SGMS1: variants seen among roughly 807,000 people sequenced by gnomAD.
SGMS1 encodes sphingomyelin synthase 1, also known as phosphatidylcholine:ceramide cholinephosphotransferase 1.
SGMS1 carries 13 observed loss-of-function variants against 46.2 expected under a neutral mutation model. The ratio of observed to expected loss-of-function variants is 0.28; its 90% confidence interval spans 0.18 to 0.45. SGMS1 has a LOEUF of 0.45. SGMS1 is among the 20% of genes least tolerant of loss of function. SGMS1 has a pLI of 1.00. For synonymous variants in SGMS1, 203 were observed against 187.8 expected (o/e 1.08, Z -0.66); for missense variants, 324 against 519.9 (o/e 0.62, Z 3.66).
chr10:50,352,111 C>T (rs1848029028), intron 6 of SGMS1, among the ~76,000 whole-genome samples: 1 of 152,168 alleles, frequency 6.6e-6, no homozygotes, highest in Non-Finnish European at 1.5e-5. Flanking sequence ...TAAAGGTATA[C>T]ATGCTGTTTT....
At chr10:50,436,197 C>T (rs1389314725) in intron 5 of SGMS1, among the ~76,000 whole-genome samples, 4 of 152,102 alleles carry the variant, frequency 2.6e-5, no homozygotes, top group Admixed American at 6.5e-5. Flanking sequence ...CTCCGCCTCC[C>T]GGGTTCACAC....
At chr10:50,391,385 A>C (rs1282854186) in intron 6 of SGMS1, among the ~76,000 whole-genome samples, 2 of 152,188 alleles carry the variant, frequency 1.3e-5, no homozygotes, top group African/African-American at 4.8e-5. Context: ...TTTTTAAAAG[A>C]AGACACACAT....
chr10:50,582,282 C>G (rs1035364341), intron 2 of SGMS1, among the ~76,000 whole-genome samples: 3 of 152,176 alleles, frequency 2.0e-5, no homozygotes, highest in Non-Finnish European at 4.4e-5. Context: ...CCCTAGATGT[C>G]TGGGCCATAC....
At chr10:50,575,168 A>T (rs1436853194) in intron 2 of SGMS1, among the ~76,000 whole-genome samples, 1 of 151,966 alleles carries the variant, frequency 6.6e-6, no homozygotes, top group Admixed American at 6.6e-5. Context: ...TACATACAAA[A>T]CAAAATGAGT....
chr10:50,534,739 G>C (rs1198036103), intron 2 of SGMS1, among the ~76,000 whole-genome samples: 1 of 152,146 alleles, frequency 6.6e-6, no homozygotes, highest in African/African-American at 2.4e-5. Context: ...GAGGACAGCA[G>C]GATGCAAAAA....
At chr10:50,355,840 C>T (rs1166201459) in intron 6 of SGMS1, among the ~76,000 whole-genome samples, 1 of 151,654 alleles carries the variant, frequency 6.6e-6, no homozygotes, top group Non-Finnish European at 1.5e-5. Context: ...GCGCCTCTGC[C>T]CCGCCGCCCT....
intron 1 of SGMS1, among the ~76,000 whole-genome samples, chr10:50,616,141 G>T (rs1422609733): frequency 6.6e-6 from 1 of 151,894 alleles, no homozygotes; most frequent in Non-Finnish European, 1.5e-5. Flanking sequence ...TTTGAAACAG[G>T]GTCTTGCTCT....
chr10:50,574,960 G>GGT lies in SGMS1; in HGVS notation c.-589+15191_-589+15192dup, dbSNP rs201800199. 4.6e-3 allele frequency among the ~76,000 whole-genome samples: 196 copies of GGT among 42,174 alleles called. 3 individuals are homozygous for GGT. The highest frequency in any genetic ancestry group is 5.1e-3 in the Non-Finnish European group (114 of 22,234). 27.7% of individuals were successfully genotyped at this position (42,174 alleles called of 152,430 possible). ...AATAAACATTTTAAAAGGAAAATGT[G>GGT]GTGTATATATATATATATATATATA... On this transcript the variant is annotated intron_variant, in intron 2 of 10. Coordinates refer to ENST00000361781, the MANE Select transcript of SGMS1 (RefSeq NM_147156.4).
At chr10:50,534,667 T>A (rs1303691147) in intron 2 of SGMS1, among the ~76,000 whole-genome samples, 1 of 152,228 alleles carries the variant, frequency 6.6e-6, no homozygotes, top group Non-Finnish European at 1.5e-5. Context: ...GATATTCACA[T>A]AGTTGAATAG....
chr10:50,355,846 G>A (rs963869904), intron 6 of SGMS1, among the ~76,000 whole-genome samples: 13 of 151,578 alleles, frequency 8.6e-5, no homozygotes, highest in East Asian at 3.9e-4. Flanking sequence ...CTGCCCCGCC[G>A]CCCTGTCTGA....
chr10:50,469,087 A>G (rs1017196304), intron 3 of SGMS1, among the ~76,000 whole-genome samples: 1 of 152,228 alleles, frequency 6.6e-6, no homozygotes, highest in African/African-American at 2.4e-5. Context: ...AATTTGTCCA[A>G]GGTCAAACTT....
intron 3 of SGMS1, among the ~76,000 whole-genome samples, chr10:50,518,988 C>T (rs4935730): frequency 0.53 from 79,909 of 151,872 alleles, 21,285 homozygotes; most frequent in Admixed American, 0.64. Context: ...AGGGAGACAA[C>T]AGATAAACTG....
rs547550781 is a variant in SGMS1, at chr10:50,532,019, T to C, written c.-588-12098A>G. Among the ~76,000 whole-genome samples, 4 of 152,306 alleles carry C rather than the reference T, an allele frequency of 2.6e-5. No individual in the cohort carries two copies. The East Asian group carries it at 7.7e-4, about 29-fold the overall frequency. On this transcript the variant is annotated intron_variant, in intron 2 of 10. Transcript: ENST00000361781. Reference sequence around the variant, plus strand: ...CATATGCACACAGAAGGCCCTTGAATAACACTGTTTAATTCAACTTTGTTT... The same window carrying C: ...CATATGCACACAGAAGGCCCTTGAACAACACTGTTTAATTCAACTTTGTTT...
At chr10:50,503,035 AT>A (rs1330662414) in intron 3 of SGMS1, among the ~76,000 whole-genome samples, 1 of 152,172 alleles carries the variant, frequency 6.6e-6, no homozygotes, top group African/African-American at 2.4e-5. Flanking sequence ...CCAAAGAATC[AT>A]TTTCTCCAAC....
intron 6 of SGMS1, among the ~76,000 whole-genome samples, chr10:50,356,109 G>A (rs1366565521): frequency 6.6e-6 from 1 of 152,166 alleles, no homozygotes; most frequent in Non-Finnish European, 1.5e-5. Flanking sequence ...CAGTTTTGTC[G>A]AATAGAAAAG....
chr10:50,353,543 C>G (rs1848064919), intron 6 of SGMS1, among the ~76,000 whole-genome samples: 2 of 152,296 alleles, frequency 1.3e-5, no homozygotes, highest in South Asian at 2.1e-4. Context: ...CAGGGATGTC[C>G]TCTCTCACCA....
intron 2 of SGMS1, among the ~76,000 whole-genome samples, chr10:50,547,750 T>A (rs1193937312): frequency 6.6e-6 from 1 of 152,070 alleles, no homozygotes; most frequent in Non-Finnish European, 1.5e-5. Context: ...AAAAGAAACC[T>A]TCAGGCCAAA....
At chr10:50,353,354 C>T (rs1056625856) in intron 6 of SGMS1, among the ~76,000 whole-genome samples, 14 of 152,390 alleles carry the variant, frequency 9.2e-5, no homozygotes, top group Admixed American at 3.9e-4. Context: ...ATTATCTCAA[C>T]AGATGCAGAA....
chr10:50,443,931 A>G (rs1316419335), intron 5 of SGMS1, among the ~76,000 whole-genome samples: 1 of 152,154 alleles, frequency 6.6e-6, no homozygotes, highest in African/African-American at 2.4e-5. Flanking sequence ...GCAATACCAT[A>G]TTAATTCAAG....
Sources: allele counts gnomAD v4.1 joint callset (sites outside exome capture counted in the v4.1 genomes callset), GRCh38; gene constraint gnomAD v4.1.1; transcripts MANE v1.5; gene names NCBI Gene and HGNC (gene_info 2026-07-23, HGNC 2026-07-21).